Variants in ZRANB3 observed in about 807,000 individuals in gnomAD.
ZRANB3 encodes the protein DNA annealing helicase and endonuclease ZRANB3.
A neutral mutation model predicts 133.8 loss-of-function variants in ZRANB3; 125 were observed. That is an observed-to-expected ratio of 0.93 (90% CI 0.81 to 1.08). The LOEUF is 1.08. Ranked by LOEUF, ZRANB3 falls within the 50% of genes least tolerant of loss-of-function variation. The probability of loss-of-function intolerance (pLI) is 0.00; values close to 1 mark genes in which losing one functional copy is unlikely to be tolerated. For synonymous variants in ZRANB3, 387 were observed against 432.7 expected (o/e 0.89, Z 1.31); for missense variants, 1,229 against 1,275.5 (o/e 0.96, Z 0.56).
At position 135,275,701 on chromosome 2, in the gene ZRANB3, A is replaced by G. The variant is rs749456100; in HGVS notation, c.1021T>C (p.Phe341Leu). The G allele has an allele frequency of 3.7e-6, 6 of 1,607,954 alleles. No homozygotes were observed. The highest frequency in any genetic ancestry group is 5.1e-6 in the Non-Finnish European group (6 of 1,176,594). Residue 341 changes from phenylalanine to leucine, a missense_variant, in exon 9 of 21, where the codon TTT becomes CTT. Phe to Leu is a conservative substitution (Grantham distance 22). Transcript: ENST00000264159. ...KMMLQNDSLK[F>L]LVFAHHLSML... ...CTTAAATGGTGAGCAAAAACCAGAAATTTAAGCGAATCATTCTGAAGCATC... is the reference window on the plus strand; with the variant it reads ...CTTAAATGGTGAGCAAAAACCAGAAGTTTAAGCGAATCATTCTGAAGCATC...
At chr2:135,308,252 A>C (rs1384752509) in intron 8 of ZRANB3, among the ~76,000 whole-genome samples, 1 of 152,112 alleles carries the variant, frequency 6.6e-6, no homozygotes, top group Non-Finnish European at 1.5e-5. Context: ...TCCTGAGTCC[A>C]ACAGGGTTTC....
chr2:135,268,318 C>T (rs1016442350), intron 11 of ZRANB3, among the ~76,000 whole-genome samples: 4 of 152,138 alleles, frequency 2.6e-5, no homozygotes, highest in Non-Finnish European at 5.9e-5. Flanking sequence ...GCACCTGCTA[C>T]CATGCCCAGC....
chr2:135,315,304 T>C (rs912795789), intron 7 of ZRANB3, 55 bp downstream of exon 7: 42 of 1,377,344 alleles, frequency 3.0e-5, no homozygotes, highest in South Asian at 1.0e-4. Context: ...TAATCTTTAA[T>C]AGTGTAATTC....
intron 2 of ZRANB3, among the ~76,000 whole-genome samples, chr2:135,414,565 G>C (rs1204214745): frequency 1.3e-5 from 2 of 152,062 alleles, no homozygotes; most frequent in Admixed American, 1.3e-4. Flanking sequence ...AGTTAACAAG[G>C]ATACCCAGGG....
At chr2:135,299,677 C>T (rs772688227) in intron 8 of ZRANB3, among the ~76,000 whole-genome samples, 1 of 152,144 alleles carries the variant, frequency 6.6e-6, no homozygotes, top group African/African-American at 2.4e-5. Flanking sequence ...TCTAATAACA[C>T]CACTAAGGAG....
chr2:135,309,402 T>C (rs1682863895), intron 8 of ZRANB3, among the ~76,000 whole-genome samples: 1 of 152,082 alleles, frequency 6.6e-6, no homozygotes, highest in South Asian at 2.1e-4. Context: ...TTCAACGTAA[T>C]AGGCAAAACA....
chr2:135,471,059 C>T (rs1179903512), intron 2 of ZRANB3, among the ~76,000 whole-genome samples: 1 of 151,680 alleles, frequency 6.6e-6, no homozygotes, highest in Non-Finnish European at 1.5e-5. Context: ...CCTTGGTCTC[C>T]CAAAGTGCTG....
chr2:135,391,626 C>T (rs992428210), intron 2 of ZRANB3, among the ~76,000 whole-genome samples: 1 of 149,092 alleles, frequency 6.7e-6, no homozygotes, highest in Non-Finnish European at 1.5e-5. Context: ...GTTGCCCAGG[C>T]TGGAGTGCAG....
At chr2:135,272,413 G>GTTTTTTTTTTTTTTTTTTTTT (rs1558877433) in intron 9 of ZRANB3, among the ~76,000 whole-genome samples, 10 of 109,896 alleles carry the variant, frequency 9.1e-5, no homozygotes, top group African/African-American at 5.7e-4. Context: ...GGAAAATAGA[G>GTTTTTTTTTTTTTTTTTTTTT]CTTTTTTTTT....
Position 135,504,417 on chromosome 2 carries a change from G to A in ZRANB3, c.73C>T (p.Leu25=). ...ISCVTNESDN[L]LDFLPDRLRA... ...AGTCTGTCAGGCAAAAAATCCAGCA[G>A]ATTATCAGATTCATTTGTCACACAA... The change falls in exon 2 of 21, where the codon CTG becomes TTG. Residue 25 remains leucine (L), a synonymous_variant. Coordinates refer to ENST00000264159, the MANE Select transcript of ZRANB3 (RefSeq NM_032143.4). 1 of 1,613,604 alleles carries A rather than the reference G, an allele frequency of 6.2e-7. No individual in the cohort carries two copies.
In ZRANB3 at chr2:135,502,229, G is replaced by A. The variant is rs568057649; in HGVS notation, c.161+2100C>T. Among the ~76,000 whole-genome samples, 127 of 152,054 alleles carry A rather than the reference G, an allele frequency of 8.4e-4. 1 individual carries two copies. Among genetic ancestry groups the A allele is most frequent in the African/African-American group, 2.7e-3 (110 of 41,468 alleles). ...TTCCACTACTAACATCATGCTTTCCGAAAAGAAAGGACAATTCTAAGCTTC... is the reference window on the plus strand; with the variant it reads ...TTCCACTACTAACATCATGCTTTCCAAAAAGAAAGGACAATTCTAAGCTTC... On this transcript the variant is annotated intron_variant, in intron 2 of 20. Coordinates refer to ENST00000264159, the MANE Select transcript of ZRANB3 (RefSeq NM_032143.4).
chr2:135,321,138 G>A (rs984247983), intron 6 of ZRANB3, among the ~76,000 whole-genome samples: 2 of 152,126 alleles, frequency 1.3e-5, no homozygotes, highest in African/African-American at 4.8e-5. Flanking sequence ...GTGAACATAT[G>A]TTTTCATTTA....
intron 6 of ZRANB3, 41 bp from the exon 7 acceptor site, chr2:135,315,571 T>C: frequency 7.5e-7 from 1 of 1,331,412 alleles, no homozygotes; most frequent in Non-Finnish European, 9.8e-7. Flanking sequence ...AATTGAATGC[T>C]GGAGTTAAGA....
At chr2:135,522,659 G>A (rs1423361271) in intron 1 of ZRANB3, among the ~76,000 whole-genome samples, 1 of 150,764 alleles carries the variant, frequency 6.6e-6, no homozygotes, top group African/African-American at 2.4e-5. Context: ...AATTAGCCAG[G>A]CCGAGATCAC....
At chr2:135,472,000 G>A (rs1369531572) in intron 2 of ZRANB3, among the ~76,000 whole-genome samples, 1 of 152,146 alleles carries the variant, frequency 6.6e-6, no homozygotes, top group East Asian at 1.9e-4. Flanking sequence ...TAGAAAGGAA[G>A]GAATGCAAAG....
At chr2:135,360,630 G>A (rs974831234) in intron 3 of ZRANB3, among the ~76,000 whole-genome samples, 4 of 152,022 alleles carry the variant, frequency 2.6e-5, no homozygotes, top group Non-Finnish European at 4.4e-5. Flanking sequence ...GCGTGAACCC[G>A]GGAAGCGGAG....
Position 135,384,591 on chromosome 2 carries a change from T to C in ZRANB3, c.180+6211A>G, listed in dbSNP as rs960018536. 2.0e-5 allele frequency among the ~76,000 whole-genome samples: 3 copies of C among 152,300 alleles called. No homozygotes were observed. The East Asian group carries it at 5.8e-4, about 29-fold the overall frequency. On this transcript the variant is annotated intron_variant, in intron 3 of 20. Coordinates refer to ENST00000264159, the MANE Select transcript of ZRANB3 (RefSeq NM_032143.4). ...CTGATGAACATTGATGCAAAAATCC[T>C]CAATAAAATACTGGCAAACCGAATC...
chr2:135,348,806 C>A (rs1342931697), intron 5 of ZRANB3, among the ~76,000 whole-genome samples: 2 of 152,092 alleles, frequency 1.3e-5, no homozygotes. Flanking sequence ...GTTGGCCAGG[C>A]TGGTCTTGAA....
At position 135,244,512 on chromosome 2, in the gene ZRANB3, G is replaced by T. The variant is rs559619789; in HGVS notation, c.1540-13585C>A. Among the ~76,000 whole-genome samples, 3 of 152,218 alleles carry T rather than the reference G, an allele frequency of 2.0e-5. No homozygotes were observed. In the East Asian group the frequency reaches 5.8e-4, roughly 29 times the overall value. ...AATCCCAGCTACTCGGGAGGCTGAC[G>T]CACGAGAATCACTTGAACCCAGGAA... On this transcript the variant is annotated intron_variant, in intron 12 of 20. Transcript: ENST00000264159.
Sources: gnomAD v4.1 joint callset for allele counts (sites outside exome capture counted in the v4.1 genomes callset) on GRCh38, gnomAD v4.1.1 for gene constraint, MANE v1.5 for transcripts, NCBI Gene and HGNC (gene_info 2026-07-23, HGNC 2026-07-21) for gene names.